The following DAPK2 variants were observed in gnomAD, a reference collection of about 807,000 sequenced individuals.
The protein encoded by DAPK2 is death associated protein kinase 2.
Under a neutral mutation model 44.1 loss-of-function variants are expected in DAPK2, and 35 were observed. That is an observed-to-expected ratio of 0.79 (90% CI 0.61 to 1.05). The LOEUF (loss-of-function observed/expected upper bound fraction) is 1.05. DAPK2 is among the 50% of genes least tolerant of loss of function. The probability of loss-of-function intolerance (pLI) is 0.00; values close to 1 mark genes in which losing one functional copy is unlikely to be tolerated. For synonymous variants in DAPK2, 174 were observed against 182.6 expected, an observed-to-expected ratio of 0.95 and a Z score of 0.38; for missense variants, 453 against 483.2, an observed-to-expected ratio of 0.94 and a Z score of 0.59.
chr15:64,025,179 G>A (rs1411272429), intron 1 of DAPK2, among the ~76,000 whole-genome samples: 1 of 152,164 alleles, frequency 6.6e-6, no homozygotes, highest in Non-Finnish European at 1.5e-5. Context: ...GAAGTCATAG[G>A]TTTAAATCCC....
intron 1 of DAPK2, among the ~76,000 whole-genome samples, chr15:64,017,663 C>T (rs541377325): frequency 6.6e-6 from 1 of 152,222 alleles, no homozygotes; most frequent in Non-Finnish European, 1.5e-5. Context: ...CCTCGGTTTT[C>T]TCTTTTGTAA....
At chr15:63,963,126 C>G (rs2077958456) in intron 3 of DAPK2, among the ~76,000 whole-genome samples, 1 of 152,196 alleles carries the variant, frequency 6.6e-6, no homozygotes, top group South Asian at 2.1e-4. Context: ...GAGCAAGGCT[C>G]TGTGGGCATG....
At chr15:63,979,686 G>A (rs2078448936) in intron 2 of DAPK2, among the ~76,000 whole-genome samples, 2 of 152,110 alleles carry the variant, frequency 1.3e-5, no homozygotes, top group Admixed American at 6.6e-5. Context: ...GCCAAGGCGA[G>A]TGGATCACTG....
At chr15:63,949,643 G>C (rs2077536992) in intron 3 of DAPK2, among the ~76,000 whole-genome samples, 1 of 152,180 alleles carries the variant, frequency 6.6e-6, no homozygotes, top group African/African-American at 2.4e-5. Context: ...ACCAGGAGTT[G>C]GCTCCAAGAT....
intron 3 of DAPK2, chr15:63,942,288 C>A: frequency 1.0e-6 from 1 of 983,960 alleles, no homozygotes; most frequent in Non-Finnish European, 1.2e-6. Context: ...CAGTGGCTCA[C>A]ACATGTAATC....
intron 3 of DAPK2, among the ~76,000 whole-genome samples, chr15:63,945,817 C>T (rs1475924417): frequency 2.6e-5 from 4 of 152,202 alleles, no homozygotes; most frequent in Admixed American, 6.5e-5. Flanking sequence ...CCCAAGCTGG[C>T]TGTGAAAATT....
At chr15:64,006,473 A>T (rs1389392281) in intron 1 of DAPK2, among the ~76,000 whole-genome samples, 1 of 152,120 alleles carries the variant, frequency 6.6e-6, no homozygotes, top group Non-Finnish European at 1.5e-5. Flanking sequence ...CAACATCGTC[A>T]CCTATATTAG....
chr15:63,949,613 A>G (rs564191558), intron 3 of DAPK2, among the ~76,000 whole-genome samples: 1 of 152,318 alleles, frequency 6.6e-6, no homozygotes, highest in African/African-American at 2.4e-5. Flanking sequence ...CGGAATTCCC[A>G]AACCAACTAA....
At chr15:63,947,181 C>A (rs749867217) in intron 3 of DAPK2, among the ~76,000 whole-genome samples, 1 of 152,198 alleles carries the variant, frequency 6.6e-6, no homozygotes, top group Non-Finnish European at 1.5e-5. Flanking sequence ...CCTTCTCCCC[C>A]TCTCCACCCA....
chr15:63,948,977 T>C (rs1331507893), intron 3 of DAPK2, among the ~76,000 whole-genome samples: 2 of 152,116 alleles, frequency 1.3e-5, no homozygotes, highest in African/African-American at 2.4e-5. Flanking sequence ...TGACCCCAAA[T>C]CCTGTGTGCT....
chr15:63,979,461 C>A (rs16947621), intron 2 of DAPK2, among the ~76,000 whole-genome samples: 1 of 151,976 alleles, frequency 6.6e-6, no homozygotes, highest in Non-Finnish European at 1.5e-5. Context: ...GTGGGATCAG[C>A]GTAGACTCAT....
rs369761726 is a variant in DAPK2 at position 63,913,283 on chromosome 15, G to A, written c.859-1086C>T. ...ATGTTCTGGAATTAGATAGTGATGTGGTTACACAACCTTGTGAGTATACTA... is the reference window on the plus strand; with the variant it reads ...ATGTTCTGGAATTAGATAGTGATGTAGTTACACAACCTTGTGAGTATACTA... On this transcript the variant is annotated intron_variant, in intron 8 of 10. Coordinates refer to ENST00000261891, the Ensembl canonical transcript of DAPK2. 2.0e-3 allele frequency among the ~76,000 whole-genome samples: 300 copies of A among 152,154 alleles called. 8 individuals are homozygous for A. The South Asian group carries it at 0.059, about 30-fold the overall frequency.
intron 3 of DAPK2, among the ~76,000 whole-genome samples, chr15:63,967,567 T>C (rs2078090015): frequency 6.6e-6 from 1 of 152,092 alleles, no homozygotes; most frequent in South Asian, 2.1e-4. Context: ...GGCAGGCACC[T>C]GTAATCCCAG....
chr15:63,983,525 C>G lies in DAPK2; in HGVS notation c.314+8G>C. ...CCCAACCCTGTGGGTCCTGGGGACCCCACTCACAGCTCAAGGATGAGCACC... is the reference window on the plus strand; with the variant it reads ...CCCAACCCTGTGGGTCCTGGGGACCGCACTCACAGCTCAAGGATGAGCACC... On this transcript the variant is annotated splice_region_variant and intron_variant, in intron 2 of 10. Coordinates refer to ENST00000261891, the Ensembl canonical transcript of DAPK2. The G allele has an allele frequency of 6.2e-7, 1 of 1,612,964 alleles. No individual in the cohort carries two copies. Among genetic ancestry groups the G allele is most frequent in the Non-Finnish European group, 8.5e-7 (1 of 1,179,046 alleles).
chr15:63,930,516 A>T, intron 4 of DAPK2, 61 bp from the exon 6 acceptor site: 1 of 1,494,770 alleles, frequency 6.7e-7, no homozygotes, highest in Non-Finnish European at 9.3e-7. Context: ...AGATGGTTTT[A>T]GGGAATTTTA....
chr15:63,948,260 G>C (rs1168687245), intron 3 of DAPK2, among the ~76,000 whole-genome samples: 2 of 80,920 alleles, frequency 2.5e-5, no homozygotes, highest in African/African-American at 4.7e-5. Context: ...GATGGAGTGA[G>C]ACTCCATCTC....
At chr15:63,931,000 C>T (rs1013050152) in intron 4 of DAPK2, among the ~76,000 whole-genome samples, 20 of 151,996 alleles carry the variant, frequency 1.3e-4, no homozygotes, top group Admixed American at 1.1e-3. Flanking sequence ...GGAAGGCTGA[C>T]GCTGCAGTGA....
chr15:64,005,731 T>C (rs541311363), intron 1 of DAPK2, among the ~76,000 whole-genome samples: 7 of 152,048 alleles, frequency 4.6e-5, no homozygotes, highest in African/African-American at 1.4e-4. Flanking sequence ...TCAAACCACA[T>C]AAAACTCTGC....
intron 1 of DAPK2, among the ~76,000 whole-genome samples, chr15:63,995,173 G>GGTT (rs888948321): frequency 1.3e-5 from 2 of 151,808 alleles, no homozygotes; most frequent in Non-Finnish European, 2.9e-5. Context: ...ATACATCCCT[G>GGTT]GTTGTTGTTG....
Sources: allele counts gnomAD v4.1 joint callset (sites outside exome capture counted in the v4.1 genomes callset), GRCh38; gene constraint gnomAD v4.1.1; transcripts MANE v1.5; gene names NCBI Gene and HGNC (gene_info 2026-07-23, HGNC 2026-07-21).